The following TCF12 variants were observed in gnomAD, a reference collection of about 807,000 sequenced individuals.
The protein encoded by TCF12 is transcription factor 12, also known as DNA-binding protein HTF4.
TCF12 carries 45 observed loss-of-function variants against 86.0 expected under a neutral mutation model. That is an observed-to-expected ratio of 0.52 (90% CI 0.41 to 0.67). The LOEUF (loss-of-function observed/expected upper bound fraction) is 0.67. Ranked by LOEUF, TCF12 falls within the 30% of genes least tolerant of loss-of-function variation. The probability of loss-of-function intolerance (pLI) is 0.00; values close to 1 mark genes in which losing one functional copy is unlikely to be tolerated. For synonymous variants in TCF12, 330 were observed against 299.6 expected (o/e 1.10, Z -1.05); for missense variants, 881 against 859.9 (o/e 1.02, Z -0.31).
At position 57,127,982 on chromosome 15, in the gene TCF12, T is replaced by G. The variant is rs143224456; in HGVS notation, c.325+36091T>G. On this transcript the variant is annotated intron_variant, in intron 5 of 20. Transcript: ENST00000333725. ...TTACCAAATTCATTTAACAGTAATG[T>G]TCTTTTTTAAAAAGGGGGATATAAT... 4.5e-3 allele frequency among the ~76,000 whole-genome samples: 681 copies of G among 152,312 alleles called. 8 individuals carry two copies. Among genetic ancestry groups the G allele is most frequent in the Admixed American group, 0.024 (365 of 15,308 alleles).
rs148467199 is a variant in TCF12 at position 57,239,748 on chromosome 15, A to C, written c.1036-3724A>C. Among the ~76,000 whole-genome samples, 62 of 152,198 alleles carry C rather than the reference A, an allele frequency of 4.1e-4. 1 individual carries two copies. In the East Asian group the frequency reaches 0.011, roughly 28 times the overall value. On this transcript the variant is annotated intron_variant, in intron 12 of 20. Transcript: ENST00000333725. ...GAAGGGTAGAGTGGCAGAGGAAAAGAGGAGAGAGTACTTATGGTAACCATA... is the reference window on the plus strand; with the variant it reads ...GAAGGGTAGAGTGGCAGAGGAAAAGCGGAGAGAGTACTTATGGTAACCATA...
At chr15:57,259,288 A>T (rs1395309361) in intron 16 of TCF12, among the ~76,000 whole-genome samples, 1 of 152,326 alleles carries the variant, frequency 6.6e-6, no homozygotes, top group South Asian at 2.1e-4. Context: ...GATAAATCAA[A>T]ATCTTGGAGT....
chr15:57,099,489 G>T (rs1167717078), intron 5 of TCF12, among the ~76,000 whole-genome samples: 1 of 151,724 alleles, frequency 6.6e-6, no homozygotes, highest in Admixed American at 6.6e-5. Flanking sequence ...ATTAAAATAA[G>T]AATATAATAT....
chr15:57,250,423 GTGGCTAAGCAAAT>G (rs140230980), intron 13 of TCF12, among the ~76,000 whole-genome samples: 35 of 152,270 alleles, frequency 2.3e-4, no homozygotes, highest in African/African-American at 8.2e-4. Context: ...TGAAATAATA[GTGGCTAAGCAAAT>G]TAGGTGTAGA....
chr15:57,094,664 A>G (rs535913739), intron 5 of TCF12, among the ~76,000 whole-genome samples: 61 of 152,204 alleles, frequency 4.0e-4, no homozygotes, highest in Non-Finnish European at 7.4e-4. Flanking sequence ...TTGATAACCA[A>G]TCATCGCAAC....
intron 5 of TCF12, among the ~76,000 whole-genome samples, chr15:57,140,796 G>A (rs2052907260): frequency 6.6e-6 from 1 of 152,086 alleles, no homozygotes; most frequent in South Asian, 2.1e-4. Flanking sequence ...AATTTACATT[G>A]CAAACCCAGG....
At chr15:57,121,945 G>C (rs1399704309) in intron 5 of TCF12, among the ~76,000 whole-genome samples, 2 of 152,100 alleles carry the variant, frequency 1.3e-5, no homozygotes, top group Middle Eastern at 3.2e-3. Flanking sequence ...TTATGATGGT[G>C]AGTGAACACA....
intron 3 of TCF12, among the ~76,000 whole-genome samples, chr15:56,940,968 C>G (rs936137089): frequency 3.4e-5 from 5 of 148,400 alleles, no homozygotes; most frequent in South Asian, 2.2e-4. Context: ...ACTATGTTGA[C>G]CAGGCTGGTC....
chr15:57,238,265 A>G (rs1263016195), intron 12 of TCF12, among the ~76,000 whole-genome samples: 2 of 152,074 alleles, frequency 1.3e-5, no homozygotes, highest in African/African-American at 4.8e-5. Flanking sequence ...TCACCAAGTC[A>G]TTTAAAGATA....
In TCF12 at chr15:57,027,547, A is replaced by T. The variant is rs1311556501; in HGVS notation, c.149-36203A>T. Among the ~76,000 whole-genome samples, 7 of 150,980 alleles carry T rather than the reference A, an allele frequency of 4.6e-5. No individual in the cohort carries two copies. The East Asian group carries it at 1.2e-3, about 25-fold the overall frequency. Reference sequence around the variant, plus strand: ...ATTCTCTATAAGGTTTTTTATGGTCATTTTTTTTTCTTGGATACATACTGA... The same window carrying T: ...ATTCTCTATAAGGTTTTTTATGGTCTTTTTTTTTTCTTGGATACATACTGA... On this transcript the variant is annotated intron_variant, in intron 3 of 20. Transcript: ENST00000333725.
intron 3 of TCF12, among the ~76,000 whole-genome samples, chr15:56,996,715 GAA>G (rs2063735078): frequency 6.6e-6 from 1 of 152,122 alleles, no homozygotes; most frequent in Non-Finnish European, 1.5e-5. Flanking sequence ...CAGAATGGGA[GAA>G]AATATTCACA....
chr15:57,219,565 T>A (rs1436662085), intron 8 of TCF12: 24 of 1,613,584 alleles, frequency 1.5e-5, no homozygotes, highest in Non-Finnish European at 1.9e-5. Context: ...AGCAATTCTT[T>A]GATGTATTAC....
intron 19 of TCF12, among the ~76,000 whole-genome samples, chr15:57,277,322 CTG>C (rs1347317566): frequency 3.3e-5 from 5 of 151,714 alleles, no homozygotes; most frequent in Admixed American, 6.6e-5. Context: ...CAAGTCCACC[CTG>C]TCTCTAAATA....
At chr15:57,097,325 T>G (rs2049395473) in intron 5 of TCF12, among the ~76,000 whole-genome samples, 2 of 151,838 alleles carry the variant, frequency 1.3e-5, no homozygotes, top group Non-Finnish European at 2.9e-5. Flanking sequence ...CCCAGGAGTT[T>G]AAGACCAGCC....
intron 11 of TCF12, 64 bp downstream of exon 11, chr15:57,232,920 T>A: frequency 8.7e-7 from 1 of 1,155,910 alleles, no homozygotes; most frequent in Non-Finnish European, 1.1e-6. Context: ...CCCGATATCT[T>A]TATATATATA....
intron 5 of TCF12, among the ~76,000 whole-genome samples, chr15:57,158,692 C>G (rs1202447929): frequency 2.6e-5 from 4 of 152,192 alleles, no homozygotes; most frequent in Non-Finnish European, 5.9e-5. Context: ...GTGATTACAA[C>G]TGGGAACTTG....
intron 11 of TCF12, 64 bp downstream of exon 11, chr15:57,232,920 T>G (rs1180661745): frequency 4.3e-6 from 5 of 1,155,924 alleles, no homozygotes; most frequent in Non-Finnish European, 4.6e-6. Flanking sequence ...CCCGATATCT[T>G]TATATATATA....
chr15:57,076,924 ATTGAG>A lies in TCF12; in HGVS notation c.222+13104_222+13108del, dbSNP rs574312914. Among the ~76,000 whole-genome samples the A allele has an allele frequency of 6.2e-4, 95 of 152,136 alleles. 2 individuals carry two copies. In the South Asian group the frequency reaches 0.02, roughly 31 times the overall value. On this transcript the variant is annotated intron_variant, in intron 4 of 20. Coordinates refer to ENST00000333725, the MANE Select transcript of TCF12 (RefSeq NM_207037.2). ...GTTGAAAAGATTTTTCTTCCCTCCC[ATTGAG>A]TTAACTTGTTATCTCTGTTAAAAAT...
In TCF12 at chr15:57,263,246, A is replaced by G. The variant is rs772494002; in HGVS notation, c.1717A>G (p.Ile573Val). 2 of 1,611,246 alleles carry G rather than the reference A, an allele frequency of 1.2e-6. No homozygotes were observed. Among genetic ancestry groups the G allele is most frequent in the African/African-American group, 1.3e-5 (1 of 74,894 alleles). Residue 573 changes from isoleucine to valine, a missense_variant, in exon 18 of 21, where the codon ATC (isoleucine) becomes GTC (valine). Around this residue, in one of 3 missense-constraint regions of TCF12, gnomAD observed 766 missense variants for 718.9 expected, o/e 1.07. Transcript: ENST00000333725. ...KSDDESSQKD[I>V]KVSSRGRTSS... Reference sequence around the variant, plus strand: ...AGATGATGAATCCTCCCAAAAAGATATCAAGGTTTCATCTAGAGGCAGAAC... The same window carrying G: ...AGATGATGAATCCTCCCAAAAAGATGTCAAGGTTTCATCTAGAGGCAGAAC...
Sources: gnomAD v4.1 joint callset for allele counts (sites outside exome capture counted in the v4.1 genomes callset) on GRCh38, gnomAD v4.1.1 for gene constraint, gnomAD v4.1.1 regional missense constraint, MANE v1.5 for transcripts, NCBI Gene and HGNC (gene_info 2026-07-23, HGNC 2026-07-21) for gene names.